Variants in ADCY1 observed in about 807,000 individuals in gnomAD.
ADCY1 encodes the protein adenylate cyclase 1, also known as adenylate cyclase type 1.
A neutral mutation model predicts 105.4 loss-of-function variants in ADCY1; 28 were observed. That is an observed-to-expected ratio of 0.27 (90% CI 0.20 to 0.36). The LOEUF (loss-of-function observed/expected upper bound fraction) is 0.36. Among genes scored for constraint, ADCY1 ranks in the 10% least tolerant of loss-of-function variants. The probability of loss-of-function intolerance (pLI) is 1.00; values close to 1 mark genes in which losing one functional copy is unlikely to be tolerated. For synonymous variants in ADCY1, 655 were observed against 623.8 expected (o/e 1.05, Z -0.75); for missense variants, 977 against 1,434.2 (o/e 0.68, Z 5.15).
At chr7:45,704,952 T>TC (rs1330874201) in intron 17 of ADCY1, among the ~76,000 whole-genome samples, 2 of 87,324 alleles carry the variant, frequency 2.3e-5, no homozygotes, top group African/African-American at 8.8e-5. Context: ...CCCACCTTCC[T>TC]CCCTGCTTGC....
chr7:45,579,293 A>G (rs1248239749), intron 1 of ADCY1, among the ~76,000 whole-genome samples: 1 of 152,058 alleles, frequency 6.6e-6, no homozygotes, highest in Non-Finnish European at 1.5e-5. Context: ...GTCAACTCCC[A>G]GTTAACCCCA....
chr7:45,650,976 G>A (rs1386544880), intron 5 of ADCY1, among the ~76,000 whole-genome samples: 2 of 152,166 alleles, frequency 1.3e-5, no homozygotes, highest in Admixed American at 6.5e-5. Context: ...CATTCCAGCT[G>A]CTGGCTCTCA....
At position 45,694,145 on chromosome 7, in the gene ADCY1, A is replaced by G. The variant is rs116487223; in HGVS notation, c.2454+7472A>G. The stretch of plus-strand genomic sequence containing the variant: ...AAAAAAAAAAAAAAAAAACACTGTC[A>G]ACCAACTTGACTTAATTGACATTTA... On this transcript the variant is annotated intron_variant, in intron 14 of 19. Coordinates refer to ENST00000297323, the MANE Select transcript of ADCY1 (RefSeq NM_021116.4). 6.9e-3 allele frequency among the ~76,000 whole-genome samples: 1,045 copies of G among 151,388 alleles called. 10 individuals are homozygous for G. Among genetic ancestry groups the G allele is most frequent in the African/African-American group, 0.024 (989 of 41,290 alleles).
chr7:45,607,758 G>A (rs1218929871), intron 2 of ADCY1, among the ~76,000 whole-genome samples: 1 of 152,164 alleles, frequency 6.6e-6, no homozygotes, highest in Non-Finnish European at 1.5e-5. Context: ...CCATGTTGCT[G>A]TAAAGGACAT....
In ADCY1 at chr7:45,574,668, G is replaced by A; in HGVS notation, c.125G>A (p.Cys42Tyr). Residue 42 changes from cysteine (C) to tyrosine (Y), a missense_variant, in exon 1 of 20, where the codon TGC (cysteine) becomes TAC (tyrosine). By Grantham distance (194) the Cys-to-Tyr change is radical. Coordinates refer to ENST00000297323, the MANE Select transcript of ADCY1 (RefSeq NM_021116.4). This position sits in a 1 kb window ranked among gnomAD's most constrained non-coding sequence, Gnocchi z 7.0. ...GLRACDEEFA[C>Y]PELEALFRGY... ...CGGGCGTGCGACGAGGAGTTCGCTT[G>A]CCCAGAGCTGGAGGCGCTGTTCCGC... 2 of 1,361,876 alleles carry A rather than the reference G, an allele frequency of 1.5e-6. No homozygotes were observed. The highest frequency in any genetic ancestry group is 1.9e-6 in the Non-Finnish European group (2 of 1,061,576). 84.4% of individuals were successfully genotyped at this position (1,361,876 alleles called of 1,614,324 possible). A position where few individuals can be genotyped will look rare whatever the true frequency, so the allele number is the denominator to read the frequency against.
chr7:45,607,309 A>G (rs1793403198), intron 2 of ADCY1, among the ~76,000 whole-genome samples: 1 of 152,118 alleles, frequency 6.6e-6, no homozygotes, highest in Non-Finnish European at 1.5e-5. Flanking sequence ...GTCTCCATCT[A>G]GCTCGCCACC....
chr7:45,668,040 G>C (rs1784295221), intron 8 of ADCY1, among the ~76,000 whole-genome samples: 1 of 152,164 alleles, frequency 6.6e-6, no homozygotes. Context: ...TGAGATGATG[G>C]GGTTTTCTAG....
intron 2 of ADCY1, among the ~76,000 whole-genome samples, chr7:45,607,814 G>A (rs1048484268): frequency 3.9e-5 from 6 of 152,138 alleles, no homozygotes; most frequent in African/African-American, 1.4e-4. Flanking sequence ...TGGTGTATAT[G>A]TACCACATTT....
At chr7:45,713,534 G>A (rs1785306218) in intron 19 of ADCY1, among the ~76,000 whole-genome samples, 159 bp from the exon 20 acceptor site, 1 of 152,244 alleles carries the variant, frequency 6.6e-6, no homozygotes, top group Admixed American at 6.5e-5. Context: ...CAAGAGTAGG[G>A]GCCCTGGCTG....
At chr7:45,642,926 C>A (rs1794564158) in intron 4 of ADCY1, among the ~76,000 whole-genome samples, 1 of 152,144 alleles carries the variant, frequency 6.6e-6, no homozygotes, top group South Asian at 2.1e-4. Context: ...TGGTTATTCT[C>A]AAAAATAGTA....
rs767943820 is a variant in ADCY1, at chr7:45,708,446, G to A, written c.2914G>A (p.Asp972Asn). The stretch of plus-strand genomic sequence containing the variant: ...TGAAATCAACTACCAGTCTTACAAC[G>A]ACTTTGTCCTCCGAGTTGGTATGTG... The part of the protein sequence containing the change: ...LDEINYQSYN[D>N]FVLRVGINVG... Residue 972 changes from aspartate to asparagine, a missense_variant, in exon 18 of 20, where the codon GAC becomes AAC. Around this residue, in one of 7 missense-constraint regions of ADCY1, gnomAD observed 152 missense variants for 293.7 expected, o/e 0.52. Transcript: ENST00000297323. The surrounding 1 kb of genome is among the most constrained non-coding windows in gnomAD (Gnocchi z 4.7). 6.8e-6 allele frequency: 11 copies of A among 1,613,862 alleles called. No individual in the cohort carries two copies. Among genetic ancestry groups the A allele is most frequent in the African/African-American group, 2.7e-5 (2 of 75,036 alleles).
At chr7:45,713,293 C>A (rs1222625475) in intron 19 of ADCY1, among the ~76,000 whole-genome samples, 1 of 152,226 alleles carries the variant, frequency 6.6e-6, no homozygotes, top group Non-Finnish European at 1.5e-5. Flanking sequence ...CATGGAAGCT[C>A]ACATCCAGAC....
At chr7:45,640,711 T>A (rs1438078114) in intron 4 of ADCY1, among the ~76,000 whole-genome samples, 1 of 152,234 alleles carries the variant, frequency 6.6e-6, no homozygotes, top group Non-Finnish European at 1.5e-5. Flanking sequence ...CAGGGACATA[T>A]GTTAAGATGT....
chr7:45,632,732 T>G (rs1345794912), intron 4 of ADCY1, among the ~76,000 whole-genome samples: 1 of 151,498 alleles, frequency 6.6e-6, no homozygotes, highest in Non-Finnish European at 1.5e-5. Context: ...CCCAGCTAAT[T>G]TTTAAATTTT....
chr7:45,669,327 G>A (rs1216202394), intron 8 of ADCY1, among the ~76,000 whole-genome samples: 6 of 152,034 alleles, frequency 3.9e-5, no homozygotes, highest in Non-Finnish European at 1.5e-5. Flanking sequence ...CTGGTATGTT[G>A]TATCTTTGTT....
In ADCY1 at chr7:45,575,072, C is replaced by A. The variant is rs756596808; in HGVS notation, c.529C>A (p.Leu177Met). 1 of 1,612,782 alleles carries A rather than the reference C, an allele frequency of 6.2e-7. No homozygotes were observed. The highest frequency in any genetic ancestry group is 8.5e-7 in the Non-Finnish European group (1 of 1,179,908). Residue 177 changes from leucine (L) to methionine (M), a missense_variant, in exon 1 of 20, where the codon CTG (leucine) becomes ATG (methionine). Physicochemically the swap from Leu to Met is conservative, Grantham distance 15. Transcript: ENST00000297323. This position sits in a 1 kb window ranked among gnomAD's most constrained non-coding sequence, Gnocchi z 4.7. Reference protein sequence around the residue: ...LLVTFVSYALLPVRSLLAIGF... With the variant: ...LLVTFVSYALMPVRSLLAIGF... The stretch of plus-strand genomic sequence containing the variant: ...GGTCACCTTCGTGTCCTATGCCTTG[C>A]TGCCCGTGCGCAGCCTGCTGGCCAT...
At chr7:45,698,643 C>T (rs1784931823) in intron 14 of ADCY1, among the ~76,000 whole-genome samples, 1 of 152,182 alleles carries the variant, frequency 6.6e-6, no homozygotes, top group Non-Finnish European at 1.5e-5. Flanking sequence ...ACACCTGCAC[C>T]ACACTCAGCC....
chr7:45,656,055 A>G (rs1011449468), intron 5 of ADCY1, among the ~76,000 whole-genome samples: 19 of 152,278 alleles, frequency 1.2e-4, no homozygotes, highest in Non-Finnish European at 7.4e-5. Flanking sequence ...TGGGAGGCCA[A>G]GGCAGGCAGA....
At chr7:45,609,111 G>A (rs1793458630) in intron 2 of ADCY1, among the ~76,000 whole-genome samples, 1 of 152,264 alleles carries the variant, frequency 6.6e-6, no homozygotes, top group Non-Finnish European at 1.5e-5. Context: ...TGGAACAGAG[G>A]GGTGAGGCCC....
Sources: gnomAD v4.1 joint callset for allele counts (sites outside exome capture counted in the v4.1 genomes callset) on GRCh38, gnomAD v4.1.1 for gene constraint, gnomAD v4.1.1 regional missense constraint, Gnocchi (gnomAD v3.1) non-coding constraint, MANE v1.5 for transcripts, NCBI Gene and HGNC (gene_info 2026-07-23, HGNC 2026-07-21) for gene names.